ADCY5: variants seen among roughly 807,000 people sequenced by gnomAD.
ADCY5 encodes adenylate cyclase type 5.
A neutral mutation model predicts 119.7 loss-of-function variants in ADCY5; 30 were observed. The ratio of observed to expected loss-of-function variants is 0.25; its 90% CI spans 0.19 to 0.34. ADCY5 has a LOEUF of 0.34. Ranked by LOEUF, ADCY5 falls within the 10% of genes least tolerant of loss-of-function variation. ADCY5 has a pLI of 1.00. For missense variants in ADCY5, 1,324 were observed against 1,775.2 expected (o/e 0.75, Z 4.57); for synonymous variants, 753 against 762.2 (o/e 0.99, Z 0.20).
chr3:123,317,750 CAA>C (rs71142731), intron 11 of ADCY5, among the ~76,000 whole-genome samples: 30 of 133,536 alleles, frequency 2.2e-4, no homozygotes, highest in Admixed American at 5.2e-4. Context: ...CACGCCGACC[CAA>C]AAAAAAAAAA....
At chr3:123,314,702 A>C (rs922275382) in intron 11 of ADCY5, among the ~76,000 whole-genome samples, 1 of 152,148 alleles carries the variant, frequency 6.6e-6, no homozygotes, top group Non-Finnish European at 1.5e-5. Flanking sequence ...GCTTGGAAGA[A>C]CCACCTGGTT....
At chr3:123,391,585 C>G (rs1437049405) in intron 1 of ADCY5, among the ~76,000 whole-genome samples, 1 of 152,170 alleles carries the variant, frequency 6.6e-6, no homozygotes. Context: ...CCAGTCCAGC[C>G]TCCACCATCA....
intron 7 of ADCY5, among the ~76,000 whole-genome samples, chr3:123,327,315 A>G (rs1457573816): frequency 6.6e-6 from 1 of 152,202 alleles, no homozygotes; most frequent in Non-Finnish European, 1.5e-5. Context: ...AGATGGAGAT[A>G]AAATATACGG....
At chr3:123,316,772 G>A (rs1940932301) in intron 11 of ADCY5, among the ~76,000 whole-genome samples, 1 of 152,106 alleles carries the variant, frequency 6.6e-6, no homozygotes, top group Admixed American at 6.5e-5. Flanking sequence ...GGGATTTGAT[G>A]TTAATTTTTT....
chr3:123,370,357 C>T (rs979457900), intron 1 of ADCY5, among the ~76,000 whole-genome samples: 1 of 152,224 alleles, frequency 6.6e-6, no homozygotes, highest in Non-Finnish European at 1.5e-5. Context: ...CTGTTCTTCC[C>T]AGGCAATACA....
intron 3 of ADCY5, among the ~76,000 whole-genome samples, chr3:123,343,919 T>C (rs1197343070): frequency 6.6e-6 from 1 of 152,142 alleles, no homozygotes; most frequent in East Asian, 1.9e-4. Context: ...ACTAAGTGTC[T>C]CCGGGGTCTC....
Position 123,416,320 on chromosome 3 carries a change from C to A in ADCY5, c.1134+31092G>T, listed in dbSNP as rs1016726229. 3.4e-5 allele frequency: 52 copies of A among 1,535,450 alleles called. No homozygotes were observed. In the Middle Eastern group the frequency reaches 5.0e-4, roughly 15 times the overall value. On this transcript the variant is annotated intron_variant, in intron 1 of 20. Coordinates refer to ENST00000462833, the MANE Select transcript of ADCY5 (RefSeq NM_183357.3). ...CCCAAAAAGGGGCTAAAGGCAATAA[C>A]CTCCTTCCCTAGGACATTTATAGCC... is the stretch of plus-strand genomic sequence containing the variant.
chr3:123,362,722 G>T (rs1257260539), intron 1 of ADCY5, among the ~76,000 whole-genome samples: 1 of 152,040 alleles, frequency 6.6e-6, no homozygotes, highest in Non-Finnish European at 1.5e-5. Context: ...AACTCTGCAG[G>T]CTCCACAACC....
At chr3:123,295,057 C>T (rs932578394) in intron 17 of ADCY5, among the ~76,000 whole-genome samples, 8 of 152,170 alleles carry the variant, frequency 5.3e-5, no homozygotes, top group African/African-American at 1.9e-4. Flanking sequence ...CCCTGGTTTC[C>T]CCAAACTCAG....
chr3:123,297,198 C>T (rs1351742680), intron 16 of ADCY5, 155 bp downstream of exon 16: 1 of 1,358,146 alleles, frequency 7.4e-7, no homozygotes, highest in Non-Finnish European at 1.0e-6. Flanking sequence ...GGACGCCTTG[C>T]TACCCCAGGA....
chr3:123,441,549 G>GCT (rs1945721908), intron 1 of ADCY5, among the ~76,000 whole-genome samples: 2 of 152,288 alleles, frequency 1.3e-5, no homozygotes, highest in South Asian at 2.1e-4. Context: ...TCTGCCACAA[G>GCT]CCTACCCTTG....
intron 16 of ADCY5, chr3:123,296,836 G>T: frequency 1.6e-6 from 1 of 608,684 alleles, no homozygotes. Context: ...CTTAACAAAA[G>T]CAGCCATTCC....
chr3:123,339,801 A>C (rs940743270), intron 3 of ADCY5, among the ~76,000 whole-genome samples: 1 of 145,958 alleles, frequency 6.9e-6, no homozygotes, highest in Admixed American at 7.5e-5. Context: ...GCACCTACTG[A>C]CATTCTGTTT....
chr3:123,402,097 G>A (rs1030767391), intron 1 of ADCY5, among the ~76,000 whole-genome samples: 1 of 152,218 alleles, frequency 6.6e-6, no homozygotes, highest in Non-Finnish European at 1.5e-5. Context: ...CAAAAGGGAA[G>A]TGTGTTCTGA....
Position 123,410,733 on chromosome 3 carries a change from G to A in ADCY5, c.1134+36679C>T, listed in dbSNP as rs142316377. ...TGCAATCATAGCTTACTGCAGCCTC[G>A]AACTCCTGAGCTCAAGCGATCCTCC... On this transcript the variant is annotated intron_variant, in intron 1 of 20. Transcript: ENST00000462833. Among the ~76,000 whole-genome samples the A allele has an allele frequency of 7.0e-3, 1,068 of 151,964 alleles. 9 individuals carry two copies. Among genetic ancestry groups the A allele is most frequent in the Admixed American group, 0.018 (282 of 15,246 alleles).
chr3:123,447,458 G>C lies in ADCY5; in HGVS notation c.1088C>G (p.Ala363Gly). The C allele has an allele frequency of 6.2e-7, 1 of 1,608,924 alleles. No individual in the cohort carries two copies. Among genetic ancestry groups the C allele is most frequent in the Non-Finnish European group, 8.5e-7 (1 of 1,177,608 alleles). Residue 363 changes from alanine (A) to glycine (G), a missense_variant, in exon 1 of 21, where the codon GCC (alanine) becomes GGC (glycine). By Grantham distance (60) the Ala-to-Gly change is moderately conservative (BLOSUM62 0). This residue lies in a region of ADCY5 where 585 missense variants were observed against 569.9 expected (regional missense o/e 1.03). Transcript: ENST00000462833. ...SGVLLSALHL[A>G]IALRTNAQDQ... ...CTGGGCGTTGGTGCGCAGGGCGATG[G>C]CCAGGTGGAGGGCGGACAGGAGCAC... is the stretch of plus-strand genomic sequence containing the variant.
intron 1 of ADCY5, among the ~76,000 whole-genome samples, chr3:123,363,286 T>C (rs1362492027): frequency 1.4e-5 from 2 of 147,598 alleles, no homozygotes; most frequent in African/African-American, 4.9e-5. Context: ...AGCAAAGAAA[T>C]AACAATAAAA....
rs1944606106 is a variant in ADCY5, at chr3:123,396,822, G to GAGAGAGAC, written c.1135-44242_1135-44241insGTCTCTCT. On this transcript the variant is annotated intron_variant, in intron 1 of 20. Transcript: ENST00000462833. ...GGCAGGCAGGCAGGCAGGCAGGCGA[G>GAGAGAGAC]AGAGAGAGAGAGAGAGAGAGACAGA... 5.0e-5 allele frequency among the ~76,000 whole-genome samples: 7 copies of GAGAGAGAC among 140,776 alleles called. 1 individual carries two copies. Among genetic ancestry groups the GAGAGAGAC allele is most frequent in the Admixed American group, 2.1e-4 (3 of 14,460 alleles). 92.4% of individuals were successfully genotyped at this position (140,776 alleles called of 152,430 possible). A position where few individuals can be genotyped will look rare whatever the true frequency, so the allele number is the denominator to read the frequency against.
Position 123,448,480 on chromosome 3 carries a change from G to T in ADCY5, c.66C>A (p.Pro22=). ...YAAQKTAAPA[P]RGGPEHRSAW... The stretch of plus-strand genomic sequence containing the variant: ...CAGAGCGGTGTTCGGGGCCTCCCCG[G>T]GGCGCCGGCGCCGCAGTCTTCTGCG... Residue 22 remains proline (P), a synonymous_variant, in exon 1 of 21, where the codon CCC becomes CCA. Transcript: ENST00000462833. The T allele has an allele frequency of 7.9e-7, 1 of 1,269,466 alleles. No individual in the cohort carries two copies. Among genetic ancestry groups the T allele is most frequent in the East Asian group, 3.1e-5 (1 of 31,828 alleles). 78.6% of individuals were successfully genotyped at this position (1,269,466 alleles called of 1,614,324 possible).
Sources: gnomAD v4.1 joint callset for allele counts (sites outside exome capture counted in the v4.1 genomes callset) on GRCh38, gnomAD v4.1.1 for gene constraint, gnomAD v4.1.1 regional missense constraint, MANE v1.5 for transcripts, NCBI Gene and HGNC (gene_info 2026-07-23, HGNC 2026-07-21) for gene names.